Variants in NAA16 observed in about 807,000 individuals in gnomAD.
NAA16 encodes N-alpha-acetyltransferase 16, NatA auxiliary subunit.
NAA16 carries 97 observed loss-of-function variants against 110.3 expected under a neutral mutation model. That is an observed-to-expected ratio of 0.88 (90% CI 0.75 to 1.04). NAA16 has a LOEUF of 1.04. Among genes scored for constraint, NAA16 ranks in the 50% least tolerant of loss-of-function variants. The pLI is 0.00. For synonymous variants in NAA16, 372 were observed against 330.6 expected, an observed-to-expected ratio of 1.13 and a Z score of -1.36; for missense variants, 1,017 against 1,005.1, an observed-to-expected ratio of 1.01 and a Z score of -0.16.
chr13:41,365,701 A>T (rs1389998456), intron 13 of NAA16, among the ~76,000 whole-genome samples: 2 of 152,218 alleles, frequency 1.3e-5, no homozygotes, highest in Non-Finnish European at 2.9e-5. Flanking sequence ...GCAAACTAGG[A>T]TAAGTTGGTC....
intron 17 of NAA16, chr13:41,373,403 G>A: frequency 7.3e-6 from 2 of 272,248 alleles, no homozygotes; most frequent in Non-Finnish European, 1.1e-5. Context: ...GACTACAGTT[G>A]TGTACCACCA....
chr13:41,373,987 C>A, intron 18 of NAA16: 3 of 735,042 alleles, frequency 4.1e-6, no homozygotes, highest in Non-Finnish European at 3.7e-6. Context: ...GATGTTTATT[C>A]AAAGGGTTTG....
intron 17 of NAA16, chr13:41,373,351 G>A (rs563348932): frequency 7.5e-5 from 25 of 331,672 alleles, no homozygotes; most frequent in African/African-American, 5.2e-4. Context: ...TCCACCTCCC[G>A]GGTTCAAGTG....
intron 15 of NAA16, among the ~76,000 whole-genome samples, chr13:41,370,311 G>A (rs77231270): frequency 5.5e-4 from 84 of 152,212 alleles, no homozygotes; most frequent in African/African-American, 1.8e-3. Context: ...AGGAGAAGAG[G>A]TATCTGCCTG....
chr13:41,371,018 C>T (rs1334359394), intron 15 of NAA16, among the ~76,000 whole-genome samples: 2 of 151,960 alleles, frequency 1.3e-5, no homozygotes, highest in African/African-American at 4.8e-5. Context: ...ATGACAGAGC[C>T]AATCAAGGAA....
chr13:41,322,226 AAGG>A (rs71677550), intron 4 of NAA16, among the ~76,000 whole-genome samples: 14,139 of 152,190 alleles, frequency 0.093, 778 homozygotes, highest in East Asian at 0.23. Context: ...TAAAGAAAAA[AAGG>A]AGAGCTGGTG....
Position 41,320,782 on chromosome 13 carries a change from C to G in NAA16, c.360C>G (p.Leu120=), listed in dbSNP as rs752487362. Residue 120 remains leucine, a synonymous_variant, in exon 4 of 20, where the codon CTC becomes CTG. Coordinates refer to ENST00000379406, the MANE Select transcript of NAA16 (RefSeq NM_024561.5). ...ATAACCTGCAAATTTTGAGGGATCT[C>G]TCACTGTTGCAGATCCAAATGAGAG... The part of the protein sequence containing the change: ...DKDNLQILRD[L]SLLQIQMRDL... 1.7e-5 allele frequency: 27 copies of G among 1,612,900 alleles called. No individual in the cohort carries two copies. Among genetic ancestry groups the G allele is most frequent in the Non-Finnish European group, 2.1e-5 (25 of 1,179,746 alleles).
At chr13:41,370,573 C>T (rs1396911897) in intron 15 of NAA16, among the ~76,000 whole-genome samples, 1 of 152,170 alleles carries the variant, frequency 6.6e-6, no homozygotes, top group African/African-American at 2.4e-5. Context: ...AACAAGAAGG[C>T]TTGGACAGTG....
At chr13:41,314,773 T>C (rs1290302693) in intron 1 of NAA16, among the ~76,000 whole-genome samples, 1 of 151,842 alleles carries the variant, frequency 6.6e-6, no homozygotes, top group African/African-American at 2.4e-5. Context: ...GGAGCTAGGA[T>C]CACTTGAGCC....
At position 41,358,853 on chromosome 13, in the gene NAA16, C is replaced by A; in HGVS notation, c.1301C>A (p.Ala434Glu). The change falls in exon 12 of 20, where the codon GCA (alanine) becomes GAA (glutamate). Residue 434 changes from alanine (A) to glutamate (E), a missense_variant. Coordinates refer to ENST00000379406, the MANE Select transcript of NAA16 (RefSeq NM_024561.5). ...GAAGCTGCAAAGTGGATGGATGAAG[C>A]ACAGTCTTTGGACACAGCTGATAGA... ...LKEAAKWMDE[A>E]QSLDTADRFI... The A allele has an allele frequency of 6.2e-7, 1 of 1,610,372 alleles. No individual in the cohort carries two copies. The highest frequency in any genetic ancestry group is 8.5e-7 in the Non-Finnish European group (1 of 1,177,490).
At chr13:41,343,808 T>C (rs990481651) in intron 9 of NAA16, among the ~76,000 whole-genome samples, 1 of 152,206 alleles carries the variant, frequency 6.6e-6, no homozygotes, top group Admixed American at 6.5e-5. Context: ...CCCAAAGTGC[T>C]AGGATTACAG....
chr13:41,331,453 A>G (rs1180158686), intron 8 of NAA16, 84 bp downstream of exon 8: 5 of 1,007,924 alleles, frequency 5.0e-6, no homozygotes, highest in East Asian at 5.3e-5. Context: ...TGTTTCTGGT[A>G]TAGAGTTTAT....
chr13:41,340,675 T>G lies in NAA16; in HGVS notation c.1014+3919T>G, dbSNP rs1458165307. Among the ~76,000 whole-genome samples the G allele has an allele frequency of 6.8e-4, 56 of 82,106 alleles. 4 individuals are homozygous for G. Among genetic ancestry groups the G allele is most frequent in the African/African-American group, 4.4e-3 (48 of 10,876 alleles). 53.9% of individuals were successfully genotyped at this position (82,106 alleles called of 152,430 possible). A position where few individuals can be genotyped will look rare whatever the true frequency, so the allele number is the denominator to read the frequency against. On this transcript the variant is annotated intron_variant, in intron 9 of 19. Coordinates refer to ENST00000379406, the MANE Select transcript of NAA16 (RefSeq NM_024561.5). Reference sequence around the variant, plus strand: ...TTTTTTTTTTTTTTTTTTTTTTTTTTTTTTTTTTTTTTTTTTCCGAGACGG... The same window carrying G: ...TTTTTTTTTTTTTTTTTTTTTTTTTGTTTTTTTTTTTTTTTTCCGAGACGG...
At chr13:41,366,947 C>T (rs1039327224) in intron 13 of NAA16, among the ~76,000 whole-genome samples, 2 of 152,104 alleles carry the variant, frequency 1.3e-5, no homozygotes, top group Admixed American at 6.6e-5. Context: ...TGAATGTCTG[C>T]TATGTATTAG....
intron 3 of NAA16, among the ~76,000 whole-genome samples, chr13:41,319,950 C>G (rs1334837817): frequency 6.6e-6 from 1 of 151,234 alleles, no homozygotes; most frequent in Non-Finnish European, 1.5e-5. Context: ...ATGTAATTCA[C>G]TTAGCCACGT....
At position 41,328,844 on chromosome 13, in the gene NAA16, G is replaced by C. The variant is rs1482346237; in HGVS notation, c.811+1G>C. ...GGCTTGGAAAAAGCTCTACAAATTA[G>C]TATGTAATGATTTTTCTCCTCTTTC... On this transcript the variant is annotated splice_donor_variant, in intron 7 of 19. Coordinates refer to ENST00000379406, the MANE Select transcript of NAA16 (RefSeq NM_024561.5). LOFTEE classifies it high-confidence loss of function. The C allele has an allele frequency of 6.3e-7, 1 of 1,593,390 alleles. No homozygotes were observed.
At chr13:41,325,418 G>GT (rs890611746) in intron 5 of NAA16, among the ~76,000 whole-genome samples, 71 of 148,222 alleles carry the variant, frequency 4.8e-4, no homozygotes, top group Admixed American at 1.7e-3. Flanking sequence ...AACTCTAGTA[G>GT]TTTTTTTTTT....
Position 41,337,632 on chromosome 13 carries a change from A to G in NAA16, c.1014+876A>G, listed in dbSNP as rs539847970. ...TAAAAGTTAATAGAAAGCAAGTTAT[A>G]CTTTTATTTCCAAGTGTTGCTTCTT... On this transcript the variant is annotated intron_variant, in intron 9 of 19. Coordinates refer to ENST00000379406, the MANE Select transcript of NAA16 (RefSeq NM_024561.5). Among the ~76,000 whole-genome samples, 3 of 152,216 alleles carry G rather than the reference A, an allele frequency of 2.0e-5. No homozygotes were observed. The East Asian group carries it at 5.8e-4, about 29-fold the overall frequency.
At chr13:41,358,570 C>T in intron 11 of NAA16, 97 bp downstream of exon 11, 1 of 1,512,766 alleles carries the variant, frequency 6.6e-7, no homozygotes, top group Non-Finnish European at 8.8e-7. Flanking sequence ...CTAGGGCACC[C>T]TGATAATCTT....
Sources: gnomAD v4.1 joint callset for allele counts (sites outside exome capture counted in the v4.1 genomes callset) on GRCh38, gnomAD v4.1.1 for gene constraint, MANE v1.5 for transcripts, NCBI Gene and HGNC (gene_info 2026-07-23, HGNC 2026-07-21) for gene names.